Variants in ALMS1 observed in about 807,000 individuals in gnomAD.
ALMS1 encodes the protein centrosome-associated protein ALMS1.
A neutral mutation model predicts 352.2 loss-of-function variants in ALMS1; 271 were observed. The observed-to-expected ratio is 0.77, with a 90% CI of 0.70 to 0.85. The LOEUF (loss-of-function observed/expected upper bound fraction) is 0.85. ALMS1 is among the 40% of genes least tolerant of loss of function. The pLI, the probability that ALMS1 is intolerant of heterozygous loss-of-function variation, is 0.00. For synonymous variants in ALMS1, 1,865 were observed against 1,761.2 expected, an observed-to-expected ratio of 1.06 and a Z score of -1.48; for missense variants, 5,445 against 4,870.7, an observed-to-expected ratio of 1.12 and a Z score of -3.51.
At chr2:73,399,270 A>G (rs1372775352) in intron 1 of ALMS1, among the ~76,000 whole-genome samples, 1 of 152,088 alleles carries the variant, frequency 6.6e-6, no homozygotes. Context: ...ATGACCTCCA[A>G]TACACTGTTG....
intron 20 of ALMS1, 121 bp downstream of exon 20, chr2:73,602,489 G>T: frequency 8.1e-7 from 1 of 1,231,076 alleles, no homozygotes; most frequent in Non-Finnish European, 1.2e-6. Flanking sequence ...GTGACCTTTT[G>T]CTTGCCAAGA....
intron 10 of ALMS1, among the ~76,000 whole-genome samples, chr2:73,511,435 G>A (rs1040881854): frequency 6.6e-6 from 1 of 151,908 alleles, no homozygotes; most frequent in African/African-American, 2.4e-5. Flanking sequence ...TCCCCAACCC[G>A]TTGTGCTTCC....
chr2:73,535,256 C>A (rs961133901), intron 12 of ALMS1, among the ~76,000 whole-genome samples: 1 of 152,058 alleles, frequency 6.6e-6, no homozygotes, highest in Non-Finnish European at 1.5e-5. Context: ...TTTATTTTCT[C>A]CGCTTTATAT....
chr2:73,544,040 C>T (rs938162546), intron 12 of ALMS1, among the ~76,000 whole-genome samples: 1 of 152,152 alleles, frequency 6.6e-6, no homozygotes, highest in African/African-American at 2.4e-5. Flanking sequence ...GATTATAAAT[C>T]ATGCTGCTAT....
chr2:73,464,750 T>A (rs1479725080), intron 9 of ALMS1, among the ~76,000 whole-genome samples: 1 of 152,190 alleles, frequency 6.6e-6, no homozygotes, highest in East Asian at 1.9e-4. Context: ...CAGCAAAGTC[T>A]CAGGATACAA....
At chr2:73,548,392 G>T (rs1229622841) in intron 12 of ALMS1, among the ~76,000 whole-genome samples, 1 of 152,106 alleles carries the variant, frequency 6.6e-6, no homozygotes, top group African/African-American at 2.4e-5. Flanking sequence ...TCACTGACAC[G>T]CACACATGTG....
intron 9 of ALMS1, among the ~76,000 whole-genome samples, chr2:73,482,478 G>T (rs1468166623): frequency 1.4e-5 from 2 of 147,630 alleles, no homozygotes; most frequent in Non-Finnish European, 3.1e-5. Flanking sequence ...GATTCAGTTT[G>T]CCAGTATTTT....
chr2:73,604,167 A>G (rs912703689), intron 21 of ALMS1, among the ~76,000 whole-genome samples: 1 of 152,244 alleles, frequency 6.6e-6, no homozygotes, highest in African/African-American at 2.4e-5. Context: ...AAAGGATAAC[A>G]GTAGATTTTT....
chr2:73,539,394 C>T (rs1472386755), intron 12 of ALMS1, among the ~76,000 whole-genome samples: 2 of 152,020 alleles, frequency 1.3e-5, no homozygotes, highest in South Asian at 4.1e-4. Context: ...TCATCAAAGA[C>T]CAAAGGTAGA....
intron 16 of ALMS1, among the ~76,000 whole-genome samples, chr2:73,581,716 C>T (rs1253843295): frequency 6.6e-6 from 1 of 151,986 alleles, no homozygotes; most frequent in Non-Finnish European, 1.5e-5. Flanking sequence ...GTCCCTCTGA[C>T]CATCAAAATA....
At chr2:73,604,107 T>A (rs1348160552) in intron 21 of ALMS1, 2 of 152,250 alleles carry the variant, frequency 1.3e-5, no homozygotes, top group African/African-American at 4.8e-5. Flanking sequence ...TTTATATGCA[T>A]AGAATATTTC....
chr2:73,535,826 CT>C (rs1211802728), intron 12 of ALMS1, among the ~76,000 whole-genome samples: 1 of 152,076 alleles, frequency 6.6e-6, no homozygotes, highest in East Asian at 1.9e-4. Context: ...ACTTGATTCA[CT>C]TTAGACAAAT....
intron 9 of ALMS1, among the ~76,000 whole-genome samples, chr2:73,466,834 TAAAATA>T (rs1282637594): frequency 6.6e-6 from 1 of 152,110 alleles, no homozygotes; most frequent in Non-Finnish European, 1.5e-5. Flanking sequence ...GTTATAAACT[TAAAATA>T]TATGACAACA....
chr2:73,394,073 G>A lies in ALMS1; in HGVS notation c.324+7881G>A, dbSNP rs574785938. ...TGGGCTAAAGCCATCTGCCCACCTC[G>A]GCCTCTCAATGTGCTGGGATTACAG... On this transcript the variant is annotated intron_variant, in intron 1 of 22. Transcript: ENST00000613296. Among the ~76,000 whole-genome samples, 143 of 151,936 alleles carry A rather than the reference G, an allele frequency of 9.4e-4. 1 individual carries two copies. The highest frequency in any genetic ancestry group is 4.6e-4 in the Admixed American group (7 of 15,258).
intron 2 of ALMS1, among the ~76,000 whole-genome samples, chr2:73,417,254 A>G (rs1303299305): frequency 3.3e-5 from 5 of 152,362 alleles, no homozygotes; most frequent in African/African-American, 7.2e-5. Flanking sequence ...TAGACTTTCT[A>G]CAAAACTATG....
intron 7 of ALMS1, among the ~76,000 whole-genome samples, chr2:73,446,715 AC>A (rs1027319887): frequency 5.3e-5 from 8 of 152,064 alleles, no homozygotes; most frequent in Non-Finnish European, 8.8e-5. Flanking sequence ...TTTGTCACTT[AC>A]CCACCTACAA....
intron 9 of ALMS1, among the ~76,000 whole-genome samples, chr2:73,478,782 T>C (rs762755195): frequency 1.2e-4 from 18 of 152,064 alleles, no homozygotes; most frequent in Non-Finnish European, 2.5e-4. Flanking sequence ...CAACCCATCA[T>C]TTAGGTTTTA....
chr2:73,421,472 T>A (rs184361695), intron 3 of ALMS1, among the ~76,000 whole-genome samples: 6 of 152,280 alleles, frequency 3.9e-5, no homozygotes, highest in African/African-American at 1.4e-4. Flanking sequence ...TTAAGACTGC[T>A]TCTCTGTGCC....
At chr2:73,511,245 C>T (rs1673445357) in intron 10 of ALMS1, among the ~76,000 whole-genome samples, 1 of 152,036 alleles carries the variant, frequency 6.6e-6, no homozygotes, top group African/African-American at 2.4e-5. Context: ...GAAAAGAAAA[C>T]TCCTGCAACT....
Sources: gnomAD v4.1 joint callset for allele counts (sites outside exome capture counted in the v4.1 genomes callset) on GRCh38, gnomAD v4.1.1 for gene constraint, MANE v1.5 for transcripts, NCBI Gene and HGNC (gene_info 2026-07-23, HGNC 2026-07-21) for gene names.